The following GPR63 variants were observed in gnomAD, a reference collection of about 807,000 sequenced individuals.
The protein encoded by GPR63 is probable G protein-coupled receptor 63.
A neutral mutation model predicts 23.1 loss-of-function variants in GPR63; 12 were observed. That is an observed-to-expected ratio of 0.52 (90% CI 0.33 to 0.84). The LOEUF (loss-of-function observed/expected upper bound fraction) is 0.84. Ranked by LOEUF, GPR63 falls within the 40% of genes least tolerant of loss-of-function variation. GPR63 has a pLI of 0.02. For missense variants in GPR63, 472 were observed against 515.6 expected (o/e 0.92, Z 0.82); for synonymous variants, 172 against 191.1 (o/e 0.90, Z 0.82).
intron 1 of GPR63, among the ~76,000 whole-genome samples, chr6:96,823,322 G>A (rs1344590894): frequency 6.6e-6 from 1 of 152,042 alleles, no homozygotes; most frequent in Non-Finnish European, 1.5e-5. Flanking sequence ...CCTTCCGGTG[G>A]GACAAGCTAT....
chr6:96,820,813 C>T (rs1774295588), intron 1 of GPR63, among the ~76,000 whole-genome samples: 1 of 152,044 alleles, frequency 6.6e-6, no homozygotes, highest in South Asian at 2.1e-4. Flanking sequence ...TTTAATTTTT[C>T]CTTAATCTAC....
intron 1 of GPR63, among the ~76,000 whole-genome samples, chr6:96,811,116 C>T (rs1431091262): frequency 6.6e-6 from 1 of 152,206 alleles, no homozygotes; most frequent in African/African-American, 2.4e-5. Flanking sequence ...AGAGACATCC[C>T]ACCAGCCCCG....
Position 96,794,767 on chromosome 6 carries a change from GA to G in GPR63, c.*3704del, listed in dbSNP as rs953570900. ...AAAATATGAGCATAATTAGACTGCT[GA>G]AAGTCATGACTTTCAATTAAGTCAC... On this transcript the variant is annotated 3_prime_UTR_variant, in exon 2 of 2. Coordinates refer to ENST00000229955, the MANE Select transcript of GPR63 (RefSeq NM_030784.4). 48 of 152,136 alleles carry G rather than the reference GA, an allele frequency of 3.2e-4. No homozygotes were observed. Among genetic ancestry groups the G allele is most frequent in the African/African-American group, 1.1e-3 (45 of 41,434 alleles). 9.4% of individuals were successfully genotyped at this position (152,136 alleles called of 1,614,324 possible). A position where few individuals can be genotyped will look rare whatever the true frequency, so the allele number is the denominator to read the frequency against.
intron 1 of GPR63, among the ~76,000 whole-genome samples, chr6:96,809,800 T>C (rs1226990948): frequency 6.6e-6 from 1 of 152,222 alleles, no homozygotes; most frequent in East Asian, 1.9e-4. Context: ...AACTAAGATG[T>C]TCAGGCAAGT....
chr6:96,830,463 T>G (rs1349838029), intron 1 of GPR63, among the ~76,000 whole-genome samples: 1 of 152,130 alleles, frequency 6.6e-6, no homozygotes, highest in East Asian at 1.9e-4. Flanking sequence ...GATACTTACT[T>G]AAACAAAAAG....
chr6:96,808,760 C>T (rs1773964952), intron 1 of GPR63, among the ~76,000 whole-genome samples: 2 of 152,018 alleles, frequency 1.3e-5, no homozygotes, highest in Non-Finnish European at 2.9e-5. Flanking sequence ...ACAGGGCCAG[C>T]TTCTTTTTTT....
chr6:96,815,324 C>T (rs185505073), intron 1 of GPR63, among the ~76,000 whole-genome samples: 1 of 152,208 alleles, frequency 6.6e-6, no homozygotes, highest in African/African-American at 2.4e-5. Context: ...GAAGATAACT[C>T]AAAATTGGAA....
intron 1 of GPR63, among the ~76,000 whole-genome samples, chr6:96,828,976 T>A (rs1774511493): frequency 6.6e-6 from 1 of 152,190 alleles, no homozygotes; most frequent in Admixed American, 6.5e-5. Flanking sequence ...AAATCTAAAC[T>A]TGTATGTATC....
chr6:96,819,136 A>G (rs928732304), intron 1 of GPR63, among the ~76,000 whole-genome samples: 4 of 152,222 alleles, frequency 2.6e-5, no homozygotes, highest in African/African-American at 9.7e-5. Flanking sequence ...CTAGAACCAG[A>G]AATACCATTT....
intron 1 of GPR63, among the ~76,000 whole-genome samples, chr6:96,830,523 TA>T (rs775993837): frequency 1.2e-4 from 18 of 152,254 alleles, no homozygotes; most frequent in Non-Finnish European, 2.6e-4. Context: ...TACCAGGTAT[TA>T]AGGGAGCAGA....
chr6:96,822,093 C>T (rs1774328826), intron 1 of GPR63, among the ~76,000 whole-genome samples: 1 of 151,996 alleles, frequency 6.6e-6, no homozygotes, highest in South Asian at 2.1e-4. Context: ...GTCCTTTGGT[C>T]TTGCACTATG....
chr6:96,818,924 C>G (rs1471766085), intron 1 of GPR63, among the ~76,000 whole-genome samples: 4 of 152,178 alleles, frequency 2.6e-5, no homozygotes, highest in Non-Finnish European at 5.9e-5. Flanking sequence ...AAAAAAAGCT[C>G]ATTATCACTG....
chr6:96,805,885 T>C (rs772076716), intron 1 of GPR63, among the ~76,000 whole-genome samples: 3 of 152,236 alleles, frequency 2.0e-5, no homozygotes, highest in Non-Finnish European at 4.4e-5. Flanking sequence ...ACAAAACAGA[T>C]GGATTTTGAA....
chr6:96,799,245 A>G lies in GPR63; in HGVS notation c.487T>C (p.Leu163=), dbSNP rs1773688547. 1 of 1,614,044 alleles carries G rather than the reference A, an allele frequency of 6.2e-7. No homozygotes were observed. The highest frequency in any genetic ancestry group is 1.3e-5 in the African/African-American group (1 of 74,906). Residue 163 remains leucine (L), a synonymous_variant, in exon 2 of 2, where the codon TTA becomes CTA. Coordinates refer to ENST00000229955, the MANE Select transcript of GPR63 (RefSeq NM_030784.4). The part of the protein sequence containing the change: ...FCRVSAMFFW[L]FVIEGVAILL... ...ATGGCTACTCCTTCTATCACAAATA[A>G]CCAGAAAAACATAGCAGATACCCTA...
chr6:96,798,336 C>T lies in GPR63; in HGVS notation c.*136G>A. 1 of 788,190 alleles carries T rather than the reference C, an allele frequency of 1.3e-6. No individual in the cohort carries two copies. Among genetic ancestry groups the T allele is most frequent in the Non-Finnish European group, 2.0e-6 (1 of 507,964 alleles). 48.8% of individuals were successfully genotyped at this position (788,190 alleles called of 1,614,324 possible). A position where few individuals can be genotyped will look rare whatever the true frequency, so the allele number is the denominator to read the frequency against. On this transcript the variant is annotated 3_prime_UTR_variant, in exon 2 of 2. Transcript: ENST00000229955. ...TTCTTGGTAACAGAACTATAATTACCATTCTTTCTTTACACTGCTCACACA... is the reference window on the plus strand; with the variant it reads ...TTCTTGGTAACAGAACTATAATTACTATTCTTTCTTTACACTGCTCACACA...
At position 96,821,188 on chromosome 6, in the gene GPR63, G is replaced by A. The variant is rs376287176; in HGVS notation, c.-151+16080C>T. On this transcript the variant is annotated intron_variant, in intron 1 of 1. Coordinates refer to ENST00000229955, the MANE Select transcript of GPR63 (RefSeq NM_030784.4). ...CATGAAGCTATAGCAAAGATTAAGC[G>A]AGATAGCAAATGTCAAGTATTGACA... is the stretch of plus-strand genomic sequence containing the variant. 2.4e-4 allele frequency among the ~76,000 whole-genome samples: 36 copies of A among 152,318 alleles called. 1 individual carries two copies. Among genetic ancestry groups the A allele is most frequent in the African/African-American group, 6.5e-4 (27 of 41,582 alleles).
chr6:96,825,349 G>A (rs1774414249), intron 1 of GPR63, among the ~76,000 whole-genome samples: 1 of 152,004 alleles, frequency 6.6e-6, no homozygotes, highest in South Asian at 2.1e-4. Context: ...CATAGGGTCT[G>A]GGAGAAACAA....
At position 96,794,236 on chromosome 6, in the gene GPR63, C is replaced by T. The variant is rs1773524623; in HGVS notation, c.*4236G>A. On this transcript the variant is annotated 3_prime_UTR_variant, in exon 2 of 2. Coordinates refer to ENST00000229955, the MANE Select transcript of GPR63 (RefSeq NM_030784.4). ...TATTTAAATATTAGAACCCATAATT[C>T]AAGGTTGTTTTTTTTTCCATACAGG... is the stretch of plus-strand genomic sequence containing the variant. 1 of 151,724 alleles carries T rather than the reference C, an allele frequency of 6.6e-6. No individual in the cohort carries two copies. The highest frequency in any genetic ancestry group is 1.5e-5 in the Non-Finnish European group (1 of 67,918). 9.4% of individuals were successfully genotyped at this position (151,724 alleles called of 1,614,324 possible).
rs967727310 is a variant in GPR63, at chr6:96,834,961, G to A, written c.-151+2307C>T. On this transcript the variant is annotated intron_variant, in intron 1 of 1. Transcript: ENST00000229955. ...TCTAAATCCCAGATCTATGAAGAAT[G>A]TCCTAAAGGTTATTTTTGAAGTATT... 6.6e-5 allele frequency among the ~76,000 whole-genome samples: 10 copies of A among 152,262 alleles called. No homozygotes were observed. The East Asian group carries it at 7.7e-4, about 12-fold the overall frequency.
Sources: gnomAD v4.1 joint callset for allele counts (sites outside exome capture counted in the v4.1 genomes callset) on GRCh38, gnomAD v4.1.1 for gene constraint, MANE v1.5 for transcripts, NCBI Gene and HGNC (gene_info 2026-07-23, HGNC 2026-07-21) for gene names.